DEPTOR: variants seen among roughly 807,000 people sequenced by gnomAD.
DEPTOR encodes DEP domain containing MTOR interacting protein.
DEPTOR carries 41 observed loss-of-function variants against 41.6 expected under a neutral mutation model. The observed-to-expected ratio is 0.98, with a 90% CI of 0.77 to 1.28. DEPTOR has a LOEUF of 1.28. Among genes scored for constraint, DEPTOR ranks in the 50% most tolerant of loss-of-function variants. DEPTOR has a pLI of 0.00. For synonymous variants in DEPTOR, 195 were observed against 192.3 expected (o/e 1.01, Z -0.12); for missense variants, 514 against 527.9 (o/e 0.97, Z 0.26).
At chr8:119,896,031 T>C (rs1397294074) in intron 1 of DEPTOR, among the ~76,000 whole-genome samples, 2 of 151,338 alleles carry the variant, frequency 1.3e-5, no homozygotes, top group Non-Finnish European at 2.9e-5. Context: ...GGCTAATTTA[T>C]TCCTTGGGAG....
intron 3 of DEPTOR, among the ~76,000 whole-genome samples, chr8:119,955,385 T>TA (rs142439701): frequency 0.033 from 5,100 of 152,308 alleles, 88 homozygotes; most frequent in African/African-American, 0.043. Context: ...ACTTGCTACT[T>TA]ACGTTTTCTT....
chr8:119,964,515 C>CAAAAAAAA (rs536731714), intron 3 of DEPTOR, among the ~76,000 whole-genome samples: 20 of 121,700 alleles, frequency 1.6e-4, no homozygotes, highest in African/African-American at 3.9e-4. Flanking sequence ...AAGCCCGTCT[C>CAAAAAAAA]AAAAAAAAAA....
intron 3 of DEPTOR, among the ~76,000 whole-genome samples, chr8:119,949,593 T>C (rs1828327058): frequency 6.6e-6 from 1 of 152,238 alleles, no homozygotes; most frequent in South Asian, 2.1e-4. Context: ...TAGTTTTTAT[T>C]TGCAGTTCCC....
intron 2 of DEPTOR, 151 bp downstream of exon 2, chr8:119,928,729 C>CAGGA: frequency 3.5e-5 from 22 of 624,418 alleles, no homozygotes; most frequent in Non-Finnish European, 5.2e-5. Context: ...CTCTAAGAGG[C>CAGGA]ATTTGGGTTC....
At chr8:119,994,179 G>T (rs1242564784) in intron 4 of DEPTOR, among the ~76,000 whole-genome samples, 1 of 152,092 alleles carries the variant, frequency 6.6e-6, no homozygotes, top group Non-Finnish European at 1.5e-5. Context: ...GGCTGAGCGT[G>T]TTGGCTCATG....
At position 120,009,086 on chromosome 8, in the gene DEPTOR, A is replaced by G; in HGVS notation, c.1054A>G (p.Ile352Val). 1 of 1,614,086 alleles carries G rather than the reference A, an allele frequency of 6.2e-7. No individual in the cohort carries two copies. Residue 352 changes from isoleucine to valine, a missense_variant, in exon 8 of 9, where the codon ATC becomes GTC. By Grantham distance (29) the Ile-to-Val change is conservative. Transcript: ENST00000286234. ...GGTGCGAGGAAGTAAGCCATGCCAC[A>G]TCCAGGCTGTAGACCCCAGTGGCCC... is the stretch of plus-strand genomic sequence containing the variant. Reference protein sequence around the residue: ...FVVRGSKPCHIQAVDPSGPAA... With the variant: ...FVVRGSKPCHVQAVDPSGPAA...
At chr8:119,944,144 T>C (rs115499563) in intron 3 of DEPTOR, among the ~76,000 whole-genome samples, 2,639 of 152,206 alleles carry the variant, frequency 0.017, 70 homozygotes, top group African/African-American at 0.061. Flanking sequence ...TGGGCCTAAA[T>C]TGTCTTTTTT....
chr8:120,039,247 A>G (rs1353490067), intron 8 of DEPTOR, among the ~76,000 whole-genome samples: 2 of 152,226 alleles, frequency 1.3e-5, no homozygotes, highest in African/African-American at 2.4e-5. Flanking sequence ...AGCCCTCACC[A>G]GACACCTGCC....
intron 3 of DEPTOR, among the ~76,000 whole-genome samples, chr8:119,949,796 C>T (rs527636420): frequency 1.3e-5 from 2 of 152,250 alleles, no homozygotes; most frequent in South Asian, 4.1e-4. Flanking sequence ...TCTCCTGCCT[C>T]AGCCTCCTGA....
At chr8:120,021,441 C>T (rs555327241) in intron 8 of DEPTOR, among the ~76,000 whole-genome samples, 161 of 152,244 alleles carry the variant, frequency 1.1e-3, no homozygotes, top group African/African-American at 3.7e-3. Context: ...AATATGTGTC[C>T]TAGCTCAGTA....
chr8:120,000,772 A>G (rs1217174574), intron 4 of DEPTOR, among the ~76,000 whole-genome samples: 3 of 151,782 alleles, frequency 2.0e-5, no homozygotes, highest in African/African-American at 7.3e-5. Context: ...CTCAAAATAA[A>G]AAGTTTTTAA....
Position 119,938,839 on chromosome 8 carries a change from TCCTC to T in DEPTOR, c.425+8916_425+8919del, listed in dbSNP as rs796764248. ...TGCCTGCCTTCCTTCTTTCCTTCCT[TCCTC>T]CCTCCCTCCCTCCCCGTTTCTCCCT... On this transcript the variant is annotated intron_variant, in intron 3 of 8. Transcript: ENST00000286234. Among the ~76,000 whole-genome samples the T allele has an allele frequency of 6.9e-4, 105 of 151,358 alleles. 1 individual carries two copies. Among genetic ancestry groups the T allele is most frequent in the African/African-American group, 2.4e-3 (99 of 41,280 alleles).
chr8:120,007,243 A>T (rs577346280), intron 7 of DEPTOR, among the ~76,000 whole-genome samples: 7 of 152,336 alleles, frequency 4.6e-5, no homozygotes. Flanking sequence ...TTAAATTATT[A>T]TTAGATTTTA....
chr8:119,954,187 A>C (rs1450795678), intron 3 of DEPTOR, among the ~76,000 whole-genome samples: 1 of 151,234 alleles, frequency 6.6e-6, no homozygotes, highest in African/African-American at 2.4e-5. Flanking sequence ...TCTGTCATCC[A>C]GACTGGAGCA....
chr8:119,959,544 T>G (rs78159821), intron 3 of DEPTOR, among the ~76,000 whole-genome samples: 4 of 151,648 alleles, frequency 2.6e-5, no homozygotes, highest in Middle Eastern at 3.2e-3. Flanking sequence ...TTTTTTTTTT[T>G]GAAACGGAGT....
At chr8:119,962,303 A>C (rs1828504169) in intron 3 of DEPTOR, among the ~76,000 whole-genome samples, 1 of 152,048 alleles carries the variant, frequency 6.6e-6, no homozygotes, top group Non-Finnish European at 1.5e-5. Flanking sequence ...TTATGGACAA[A>C]CATGGACTCA....
intron 3 of DEPTOR, among the ~76,000 whole-genome samples, chr8:119,936,955 C>T (rs1318967664): frequency 4.6e-5 from 7 of 151,732 alleles, no homozygotes; most frequent in South Asian, 2.1e-4. Flanking sequence ...ACCTGGGAGG[C>T]GGAGGTTGCA....
At chr8:119,913,349 G>A (rs1465356154) in intron 1 of DEPTOR, among the ~76,000 whole-genome samples, 2 of 152,176 alleles carry the variant, frequency 1.3e-5, no homozygotes, top group African/African-American at 2.4e-5. Context: ...GGAAAAAAGA[G>A]GACGAACAAA....
intron 4 of DEPTOR, among the ~76,000 whole-genome samples, chr8:119,969,062 T>G (rs1381039452): frequency 6.7e-6 from 1 of 148,906 alleles, no homozygotes; most frequent in Non-Finnish European, 1.5e-5. Context: ...GCCACTACAC[T>G]CCAGCCTGGG....
Sources: allele counts gnomAD v4.1 joint callset (sites outside exome capture counted in the v4.1 genomes callset), GRCh38; gene constraint gnomAD v4.1.1; transcripts MANE v1.5; gene names NCBI Gene and HGNC (gene_info 2026-07-23, HGNC 2026-07-21).